Variants in OLFM3 observed in about 807,000 individuals in gnomAD.
The protein encoded by OLFM3 is noelin-3.
In OLFM3, 20 loss-of-function variants were observed where a neutral mutation model predicts 48.6. That is an observed-to-expected ratio of 0.41 (90% CI 0.29 to 0.60). The LOEUF is 0.60. OLFM3 is among the 20% of genes least tolerant of loss of function. The pLI is 0.28. For synonymous variants in OLFM3, 222 were observed against 198.1 expected (o/e 1.12, Z -1.01); for missense variants, 437 against 544.3 (o/e 0.80, Z 1.96).
At chr1:101,995,577 C>G (rs144017501) in intron 1 of OLFM3, among the ~76,000 whole-genome samples, 1 of 151,994 alleles carries the variant, frequency 6.6e-6, no homozygotes, top group Non-Finnish European at 1.5e-5. Flanking sequence ...CAAATATATA[C>G]GACATGATTC....
chr1:101,975,708 T>C (rs1464471863), intron 1 of OLFM3, among the ~76,000 whole-genome samples: 1 of 152,158 alleles, frequency 6.6e-6, no homozygotes, highest in African/African-American at 2.4e-5. Context: ...GAGATTGCTA[T>C]TTCCACACAG....
chr1:101,909,166 C>G (rs1402318323), intron 1 of OLFM3, among the ~76,000 whole-genome samples: 1 of 152,220 alleles, frequency 6.6e-6, no homozygotes, highest in Non-Finnish European at 1.5e-5. Context: ...TTGGACATCT[C>G]TGAGAAACCA....
chr1:101,917,411 T>C, intron 1 of OLFM3, among the ~76,000 whole-genome samples: 1 of 149,410 alleles, frequency 6.7e-6, no homozygotes, highest in East Asian at 2.1e-4. Context: ...GCCATAAATA[T>C]ATGGCCATAT....
chr1:101,876,262 C>T (rs1657296138), intron 1 of OLFM3, among the ~76,000 whole-genome samples: 1 of 151,922 alleles, frequency 6.6e-6, no homozygotes, highest in Non-Finnish European at 1.5e-5. Flanking sequence ...CCTTAGAGTG[C>T]AAACCATACT....
At chr1:101,969,858 A>G (rs1660732521) in intron 1 of OLFM3, among the ~76,000 whole-genome samples, 1 of 152,120 alleles carries the variant, frequency 6.6e-6, no homozygotes, top group Non-Finnish European at 1.5e-5. Flanking sequence ...AACTAGGGTA[A>G]AGGAAGAGGT....
At position 101,830,692 on chromosome 1, in the gene OLFM3, G is replaced by A. The variant is rs138326188; in HGVS notation, c.352C>T (p.Leu118Phe). The change falls in exon 3 of 6, where the codon CTT becomes TTT. Residue 118 changes from leucine to phenylalanine, a missense_variant. Coordinates refer to ENST00000370103, the MANE Select transcript of OLFM3 (RefSeq NM_058170.4). ...CCTACCTGAAAATGCTTGGTCATAA[G>A]TGTCTTTCGATCATCTTCAATCTGC... Reference protein sequence around the residue: ...FRQIEDDRKTLMTKHFQELKE... With the variant: ...FRQIEDDRKTFMTKHFQELKE... The A allele has an allele frequency of 6.0e-4, 973 of 1,614,170 alleles. 13 individuals are homozygous for A. In the East Asian group the frequency reaches 0.016, roughly 26 times the overall value.
At chr1:101,961,951 A>C (rs1414245491) in intron 1 of OLFM3, among the ~76,000 whole-genome samples, 1 of 152,054 alleles carries the variant, frequency 6.6e-6, no homozygotes, top group African/African-American at 2.4e-5. Flanking sequence ...CTTTTCTACC[A>C]CCCACAACAG....
intron 1 of OLFM3, among the ~76,000 whole-genome samples, chr1:101,865,023 T>A (rs1656802218): frequency 6.6e-6 from 1 of 152,200 alleles, no homozygotes; most frequent in African/African-American, 2.4e-5. Flanking sequence ...AAAGGTAATT[T>A]GCTTTAGCTT....
chr1:101,977,427 C>T (rs1386008443), intron 1 of OLFM3, among the ~76,000 whole-genome samples: 1 of 152,156 alleles, frequency 6.6e-6, no homozygotes, highest in Admixed American at 6.5e-5. Flanking sequence ...ACAAAAAGAG[C>T]GTAGAGAATT....
At chr1:101,924,642 T>C (rs1659208785) in intron 1 of OLFM3, among the ~76,000 whole-genome samples, 1 of 152,198 alleles carries the variant, frequency 6.6e-6, no homozygotes, top group Non-Finnish European at 1.5e-5. Flanking sequence ...CCTAGTGAAA[T>C]ATTTCCACTT....
intron 1 of OLFM3, among the ~76,000 whole-genome samples, chr1:101,920,954 C>T (rs1479206250): frequency 6.6e-6 from 1 of 152,096 alleles, no homozygotes; most frequent in East Asian, 1.9e-4. Flanking sequence ...TTTATTACTT[C>T]TACTGTTATA....
At chr1:101,856,046 T>C (rs1191783427) in intron 1 of OLFM3, among the ~76,000 whole-genome samples, 3 of 152,012 alleles carry the variant, frequency 2.0e-5, no homozygotes, top group Non-Finnish European at 2.9e-5. Context: ...AGATTACATC[T>C]GTAGTCTGCT....
chr1:101,856,565 T>A (rs536076556), intron 1 of OLFM3, among the ~76,000 whole-genome samples: 2 of 152,128 alleles, frequency 1.3e-5, no homozygotes, highest in African/African-American at 4.8e-5. Flanking sequence ...TGTCTCTTGT[T>A]ATTGAAATCA....
At chr1:101,827,868 C>T (rs927462037) in intron 3 of OLFM3, among the ~76,000 whole-genome samples, 1 of 152,094 alleles carries the variant, frequency 6.6e-6, no homozygotes, top group Non-Finnish European at 1.5e-5. Flanking sequence ...AATCTTATCC[C>T]AAATTGTAAT....
intron 1 of OLFM3, among the ~76,000 whole-genome samples, chr1:101,950,140 ACTTT>A (rs1660091861): frequency 6.6e-6 from 1 of 152,092 alleles, no homozygotes; most frequent in Admixed American, 6.5e-5. Flanking sequence ...GGTCTCAGCT[ACTTT>A]CTTAATATCA....
In OLFM3 at chr1:101,804,859, A is replaced by T; in HGVS notation, c.756T>A (p.Ile252=). ...ATTCAGCCCCACTGACAAAGTCTGC[A>T]ATTGATTTGTATTCACGAACAATTT... ...NNKIVREYKS[I]ADFVSGAESR... Residue 252 remains isoleucine (I), a synonymous_variant, in exon 6 of 6, where the codon ATT becomes ATA. Coordinates refer to ENST00000370103, the MANE Select transcript of OLFM3 (RefSeq NM_058170.4). The surrounding 1 kb of genome is among the most constrained non-coding windows in gnomAD (Gnocchi z 4.5). The T allele has an allele frequency of 1.9e-6, 3 of 1,612,318 alleles. No homozygotes were observed. The South Asian group carries it at 3.3e-5, about 18-fold the overall frequency.
intron 1 of OLFM3, among the ~76,000 whole-genome samples, chr1:101,862,872 G>A (rs1474234820): frequency 6.6e-6 from 1 of 152,088 alleles, no homozygotes; most frequent in Non-Finnish European, 1.5e-5. Flanking sequence ...TTAAAAATAG[G>A]CATAAATATG....
intron 4 of OLFM3, among the ~76,000 whole-genome samples, chr1:101,820,168 G>T (rs191452083): frequency 6.6e-6 from 1 of 152,164 alleles, no homozygotes; most frequent in African/African-American, 2.4e-5. Context: ...GGCATAAACG[G>T]TAAAGACAGT....
At chr1:101,964,334 C>T (rs1039605846) in intron 1 of OLFM3, among the ~76,000 whole-genome samples, 13 of 151,970 alleles carry the variant, frequency 8.6e-5, no homozygotes, top group East Asian at 3.9e-4. Flanking sequence ...AAACAGCATA[C>T]GGGTTTTATA....
Sources: allele counts gnomAD v4.1 joint callset (sites outside exome capture counted in the v4.1 genomes callset), GRCh38; gene constraint gnomAD v4.1.1; non-coding constraint Gnocchi (gnomAD v3.1); transcripts MANE v1.5; gene names NCBI Gene and HGNC (gene_info 2026-07-23, HGNC 2026-07-21).